Variants in CXCL13 observed in about 807,000 individuals in gnomAD.
CXCL13 encodes the protein C-X-C motif chemokine ligand 13, also known as C-X-C motif chemokine 13.
Under a neutral mutation model 12.2 loss-of-function variants are expected in CXCL13, and 7 were observed. The observed-to-expected ratio is 0.57, with a 90% CI of 0.33 to 1.07. The LOEUF is 1.07. CXCL13 is among the 50% of genes least tolerant of loss of function. CXCL13 has a pLI of 0.04. For missense variants in CXCL13, 113 were observed against 127.4 expected (o/e 0.89, Z 0.55); for synonymous variants, 47 against 42.4 (o/e 1.11, Z -0.42).
chr4:77,554,951 C>T (rs1382659112), intron 1 of CXCL13, among the ~76,000 whole-genome samples: 1 of 151,618 alleles, frequency 6.6e-6, no homozygotes, highest in African/African-American at 2.4e-5. Context: ...AAATTTAGAG[C>T]TTTAAATGCT....
At chr4:77,594,529 C>A (rs529088749) in intron 1 of CXCL13, among the ~76,000 whole-genome samples, 7 of 151,762 alleles carry the variant, frequency 4.6e-5, no homozygotes, top group African/African-American at 1.7e-4. Flanking sequence ...CAAAAGCTTC[C>A]CTCTGGCCAT....
chr4:77,568,204 G>C (rs552181852), intron 1 of CXCL13, among the ~76,000 whole-genome samples: 1 of 152,328 alleles, frequency 6.6e-6, no homozygotes, highest in East Asian at 1.9e-4. Context: ...CTTTTGTCCA[G>C]ATTCAACTCA....
chr4:77,536,232 TGTAAA>T (rs1725054895), intron 1 of CXCL13, among the ~76,000 whole-genome samples: 1 of 152,192 alleles, frequency 6.6e-6, no homozygotes, highest in African/African-American at 2.4e-5. Context: ...TCATTGACGA[TGTAAA>T]GTAGATGGCA....
rs979843890 is a variant in CXCL13 at position 77,607,922 on chromosome 4, T to C, written c.197+87T>C. ...ACCATACAGTAGTCTTACTCAAGAA[T>C]GTCGAAGAGATTTACTTGAGTGTTG... On this transcript the variant is annotated intron_variant, in intron 2 of 3. Transcript: ENST00000682537. 2.2e-5 allele frequency: 29 copies of C among 1,330,412 alleles called. No homozygotes were observed. The Admixed American group carries it at 5.2e-4, about 24-fold the overall frequency. The allele number at this position is 1,330,412 out of a possible 1,614,324, so 82.4% of individuals were successfully genotyped here.
At chr4:77,559,362 A>G (rs1429505867) in intron 1 of CXCL13, among the ~76,000 whole-genome samples, 1 of 152,196 alleles carries the variant, frequency 6.6e-6, no homozygotes, top group African/African-American at 2.4e-5. Flanking sequence ...TGAAAATGGA[A>G]TGACCCTTCA....
intron 1 of CXCL13, among the ~76,000 whole-genome samples, chr4:77,548,034 T>A (rs575089591): frequency 1.3e-3 from 196 of 152,008 alleles, no homozygotes; most frequent in South Asian, 0.013. Context: ...TGAAAAAAAA[T>A]TTTTTTTAAG....
intron 1 of CXCL13, among the ~76,000 whole-genome samples, chr4:77,545,127 C>T (rs557984205): frequency 6.6e-6 from 1 of 152,204 alleles, no homozygotes; most frequent in South Asian, 2.1e-4. Context: ...GGTAATAGTA[C>T]TATGCTGTTT....
At chr4:77,597,093 T>C (rs994540260) in intron 1 of CXCL13, among the ~76,000 whole-genome samples, 1 of 152,194 alleles carries the variant, frequency 6.6e-6, no homozygotes, top group Non-Finnish European at 1.5e-5. Flanking sequence ...CTCACTTATA[T>C]GTGAAATCCA....
At chr4:77,516,415 C>T (rs1020929850) in intron 1 of CXCL13, among the ~76,000 whole-genome samples, 8 of 152,094 alleles carry the variant, frequency 5.3e-5, no homozygotes, top group African/African-American at 9.7e-5. Flanking sequence ...TGGTAGAATT[C>T]GGCTGTGAAT....
chr4:77,551,179 G>A (rs182940135), intron 1 of CXCL13, among the ~76,000 whole-genome samples: 1 of 152,156 alleles, frequency 6.6e-6, no homozygotes, highest in Non-Finnish European at 1.5e-5. Context: ...TTAGCTCGTT[G>A]CTTTGTAGTT....
intron 1 of CXCL13, among the ~76,000 whole-genome samples, chr4:77,541,050 T>C (rs1346698218): frequency 3.9e-5 from 6 of 152,182 alleles, no homozygotes; most frequent in African/African-American, 1.2e-4. Flanking sequence ...GCTTGTATGT[T>C]GTCTTTTGAG....
chr4:77,546,671 TG>T (rs1336420490), intron 1 of CXCL13, among the ~76,000 whole-genome samples: 7 of 152,206 alleles, frequency 4.6e-5, no homozygotes, highest in African/African-American at 1.7e-4. Context: ...TCTATTTTGT[TG>T]ATCTTTTCAA....
At chr4:77,562,914 G>A (rs576873375) in intron 1 of CXCL13, among the ~76,000 whole-genome samples, 3 of 152,272 alleles carry the variant, frequency 2.0e-5, no homozygotes, top group East Asian at 3.9e-4. Context: ...TGTGGGTGGG[G>A]CCAGATAAGG....
chr4:77,606,081 G>C (rs574963378), intron 1 of CXCL13, 152 bp downstream of exon 1: 70 of 455,088 alleles, frequency 1.5e-4, no homozygotes, highest in Non-Finnish European at 1.7e-4. Context: ...AAGGTGTTTA[G>C]GAATTTAACT....
At chr4:77,545,833 A>C (rs1397185274) in intron 1 of CXCL13, among the ~76,000 whole-genome samples, 1 of 152,196 alleles carries the variant, frequency 6.6e-6, no homozygotes, top group African/African-American at 2.4e-5. Context: ...GACAGTTTTC[A>C]AAGGGAATGC....
At chr4:77,568,199 G>A (rs1360066560) in intron 1 of CXCL13, among the ~76,000 whole-genome samples, 1 of 152,150 alleles carries the variant, frequency 6.6e-6, no homozygotes, top group African/African-American at 2.4e-5. Flanking sequence ...GTCTCCTTTT[G>A]TCCAGATTCA....
At chr4:77,569,293 G>C (rs7699374) in intron 1 of CXCL13, among the ~76,000 whole-genome samples, 7,216 of 152,110 alleles carry the variant, frequency 0.047, 605 homozygotes, top group African/African-American at 0.16. Flanking sequence ...AGAAATAAAG[G>C]GCATCCAAAT....
intron 1 of CXCL13, among the ~76,000 whole-genome samples, chr4:77,548,229 C>T (rs980710219): frequency 3.3e-5 from 5 of 152,170 alleles, no homozygotes; most frequent in African/African-American, 1.2e-4. Flanking sequence ...AGAGGACAAA[C>T]CTCCAGGTAG....
At chr4:77,527,609 G>T (rs1023402304) in intron 1 of CXCL13, among the ~76,000 whole-genome samples, 18 of 151,814 alleles carry the variant, frequency 1.2e-4, no homozygotes, top group African/African-American at 3.9e-4. Flanking sequence ...TCTAGCCTGG[G>T]TGACAGAGTG....
Sources: allele counts gnomAD v4.1 joint callset (sites outside exome capture counted in the v4.1 genomes callset), GRCh38; gene constraint gnomAD v4.1.1; transcripts MANE v1.5; gene names NCBI Gene and HGNC (gene_info 2026-07-23, HGNC 2026-07-21).